The following PTPDC1 variants were observed in gnomAD, a reference collection of about 807,000 sequenced individuals.
PTPDC1 encodes the protein protein tyrosine phosphatase domain-containing protein 1.
PTPDC1 carries 53 observed loss-of-function variants against 75.3 expected under a neutral mutation model. The observed-to-expected ratio is 0.70, with a 90% confidence interval of 0.56 to 0.88. PTPDC1 has a LOEUF of 0.88. PTPDC1 is among the 40% of genes least tolerant of loss of function. The pLI, the probability that PTPDC1 is intolerant of heterozygous loss-of-function variation, is 0.00. For synonymous variants in PTPDC1, 349 were observed against 366.2 expected (o/e 0.95, Z 0.54); for missense variants, 925 against 998.6 (o/e 0.93, Z 0.99).
At chr9:94,090,982 T>A (rs1214812671) in intron 4 of PTPDC1, among the ~76,000 whole-genome samples, 1 of 152,178 alleles carries the variant, frequency 6.6e-6, no homozygotes, top group Non-Finnish European at 1.5e-5. Context: ...GATTTTGGGC[T>A]TGAGACAATG....
upstream of PTPDC1, among the ~76,000 whole-genome samples, chr9:94,083,405 G>A (rs1378676355): frequency 6.6e-6 from 1 of 152,082 alleles, no homozygotes; most frequent in Non-Finnish European, 1.5e-5. Flanking sequence ...ACATTACTGG[G>A]GAGATGGGGG....
At chr9:94,073,868 T>A (rs1055057972) in intron 2 of PTPDC1, among the ~76,000 whole-genome samples, 1 of 152,216 alleles carries the variant, frequency 6.6e-6, no homozygotes, top group African/African-American at 2.4e-5. Flanking sequence ...AAGTTTGACG[T>A]TCAATTTCCC....
intron 1 of PTPDC1, among the ~76,000 whole-genome samples, chr9:94,044,965 G>A (rs1269326698): frequency 6.7e-6 from 1 of 148,330 alleles, no homozygotes; most frequent in Non-Finnish European, 1.5e-5. Context: ...TTAGCATTAG[G>A]TATATCTACT....
At chr9:94,080,546 C>T (rs911351928), upstream of PTPDC1, among the ~76,000 whole-genome samples, 1 of 152,168 alleles carries the variant, frequency 6.6e-6, no homozygotes, top group Non-Finnish European at 1.5e-5. Context: ...GCATACCTAA[C>T]ACACAGACAT....
intron 1 of PTPDC1, among the ~76,000 whole-genome samples, chr9:94,036,133 A>T (rs1409917498): frequency 1.4e-5 from 2 of 145,564 alleles, no homozygotes; most frequent in Admixed American, 7.1e-5. Context: ...CCCATTCTGT[A>T]GGTTGTCTTG....
intron 4 of PTPDC1, among the ~76,000 whole-genome samples, chr9:94,091,630 G>A (rs906116998): frequency 1.8e-4 from 27 of 152,022 alleles, no homozygotes; most frequent in African/African-American, 4.4e-4. Flanking sequence ...CTCTTTTTCT[G>A]TTGATTGGAA....
At chr9:94,050,394 T>C (rs946101860) in intron 1 of PTPDC1, among the ~76,000 whole-genome samples, 2 of 152,200 alleles carry the variant, frequency 1.3e-5, no homozygotes, top group East Asian at 3.9e-4. Context: ...GGGGTTTTGT[T>C]GTGGATGTCC....
chr9:94,038,831 C>A lies in PTPDC1; in HGVS notation c.-7+7704C>A, dbSNP rs545618822. Among the ~76,000 whole-genome samples the A allele has an allele frequency of 3.4e-3, 514 of 152,216 alleles. 5 individuals carry two copies. The highest frequency in any genetic ancestry group is 0.012 in the African/African-American group (492 of 41,538). On this transcript the variant is annotated intron_variant, in intron 1 of 9. Coordinates refer to the PTPDC1 transcript ENST00000375360. ...AGCAATGTCTACTTTATATTTTTGG[C>A]CTTAATTATGCCAATCTAACCAGAA...
intron 1 of PTPDC1, among the ~76,000 whole-genome samples, chr9:94,048,294 G>T (rs767261014): frequency 1.1e-4 from 17 of 152,148 alleles, no homozygotes; most frequent in Non-Finnish European, 1.9e-4. Flanking sequence ...TAATTGTGAT[G>T]TTAGGGTGTC....
intron 1 of PTPDC1, among the ~76,000 whole-genome samples, chr9:94,036,429 C>T (rs895865171): frequency 6.6e-6 from 1 of 151,912 alleles, no homozygotes; most frequent in African/African-American, 2.4e-5. Flanking sequence ...CTAGTTTTCC[C>T]AACACGATTT....
In PTPDC1 at chr9:94,084,686, G is replaced by C; in HGVS notation, c.156G>C (p.Leu52=). 6.2e-7 allele frequency: 1 copy of C among 1,613,768 alleles called. No individual in the cohort carries two copies. The highest frequency in any genetic ancestry group is 8.5e-7 in the Non-Finnish European group (1 of 1,179,830). The change falls in exon 1 of 9, where the codon CTG becomes CTC. Residue 52 remains leucine (L), a synonymous_variant. Coordinates refer to ENST00000620992, the MANE Select transcript of PTPDC1 (RefSeq NM_001253829.2). ...GCTCCGGCTCTGCCACGAAGCTGCT[G>C]TCCTCGTCCTCTCTCCAGGTGATGG... ...GLGSGSATKL[L]SSSSLQVMVA...
At chr9:94,048,650 G>A (rs1051410906) in intron 1 of PTPDC1, among the ~76,000 whole-genome samples, 1 of 152,200 alleles carries the variant, frequency 6.6e-6, no homozygotes, top group East Asian at 1.9e-4. Context: ...TGGAATAGGT[G>A]TGGTGTGGTG....
chr9:94,045,529 C>T lies in PTPDC1; in HGVS notation c.-7+14402C>T, dbSNP rs371567608. 7.7e-4 allele frequency among the ~76,000 whole-genome samples: 117 copies of T among 152,048 alleles called. 1 individual carries two copies. Among genetic ancestry groups the T allele is most frequent in the African/African-American group, 2.1e-3 (88 of 41,496 alleles). On this transcript the variant is annotated intron_variant, in intron 1 of 9. Transcript: ENST00000375360. ...TGTTGTTTCCTGACTTTTTAATGAT[C>T]GCCATTCTAACTGGTGTGAGATGGT...
intron 1 of PTPDC1, among the ~76,000 whole-genome samples, chr9:94,049,858 ATGT>A (rs1825732224): frequency 6.6e-6 from 1 of 152,102 alleles, no homozygotes; most frequent in Admixed American, 6.6e-5. Context: ...CACTAATCCG[ATGT>A]AGATTTGGTC....
intron 8 of PTPDC1, among the ~76,000 whole-genome samples, chr9:94,105,666 C>CA (rs35654588): frequency 0.015 from 1,572 of 107,864 alleles, 25 homozygotes; most frequent in Middle Eastern, 0.03. Context: ...GACTCTGTCT[C>CA]AAAAAAAAAA....
chr9:94,102,565 T>G (rs1827879698), intron 7 of PTPDC1, among the ~76,000 whole-genome samples: 1 of 152,122 alleles, frequency 6.6e-6, no homozygotes, highest in Non-Finnish European at 1.5e-5. Flanking sequence ...CAGGGTTTGT[T>G]TTTGTTTTTG....
At chr9:94,048,449 C>T (rs1452039545) in intron 1 of PTPDC1, among the ~76,000 whole-genome samples, 2 of 152,124 alleles carry the variant, frequency 1.3e-5, no homozygotes, top group African/African-American at 4.8e-5. Context: ...TTTCTGCCTT[C>T]ATTTTGTTAT....
chr9:94,052,023 C>T (rs1000034449), intron 1 of PTPDC1, among the ~76,000 whole-genome samples: 10 of 152,000 alleles, frequency 6.6e-5, no homozygotes, highest in East Asian at 5.8e-4. Context: ...ATTACTTTAG[C>T]GGCATCCCAT....
At chr9:94,093,428 CT>C (rs1405851882) in intron 4 of PTPDC1, among the ~76,000 whole-genome samples, 1 of 146,614 alleles carries the variant, frequency 6.8e-6, no homozygotes, top group Non-Finnish European at 1.5e-5. Context: ...TCTCTTCTGG[CT>C]TGTAGGGTTT....
Sources: gnomAD v4.1 joint callset for allele counts (sites outside exome capture counted in the v4.1 genomes callset) on GRCh38, gnomAD v4.1.1 for gene constraint, MANE v1.5 for transcripts, NCBI Gene and HGNC (gene_info 2026-07-23, HGNC 2026-07-21) for gene names.